The following NELL1 variants were observed in gnomAD, a reference collection of about 807,000 sequenced individuals.
NELL1 encodes the protein neural EGFL like 1, also known as protein kinase C-binding protein NELL1.
NELL1 carries 76 observed loss-of-function variants against 107.4 expected under a neutral mutation model. That is an observed-to-expected ratio of 0.71 (90% CI 0.59 to 0.86). NELL1 has a LOEUF of 0.86. NELL1 is among the 40% of genes least tolerant of loss of function. The pLI is 0.00. For synonymous variants in NELL1, 353 were observed against 341.2 expected, an observed-to-expected ratio of 1.03 and a Z score of -0.38; for missense variants, 1,024 against 1,005.5, an observed-to-expected ratio of 1.02 and a Z score of -0.25.
intron 12 of NELL1, among the ~76,000 whole-genome samples, chr11:21,078,467 C>T (rs1854191870): frequency 6.6e-6 from 1 of 151,942 alleles, no homozygotes; most frequent in Non-Finnish European, 1.5e-5. Context: ...TAAGGCAGAA[C>T]ACATTAAAAA....
chr11:21,077,980 A>G (rs902510415), intron 12 of NELL1, among the ~76,000 whole-genome samples: 1 of 152,114 alleles, frequency 6.6e-6, no homozygotes, highest in Non-Finnish European at 1.5e-5. Context: ...ACATTTTATA[A>G]AGCAGAACCA....
chr11:21,201,154 C>T (rs1237810849), intron 13 of NELL1, among the ~76,000 whole-genome samples: 1 of 152,106 alleles, frequency 6.6e-6, no homozygotes, highest in African/African-American at 2.4e-5. Context: ...GTAGTTTTTT[C>T]TAATTCTGTG....
intron 12 of NELL1, among the ~76,000 whole-genome samples, chr11:21,019,559 C>A (rs1017141304): frequency 1.3e-5 from 2 of 152,022 alleles, no homozygotes; most frequent in African/African-American, 4.8e-5. Context: ...ATGAAAATGT[C>A]TGAAGACATT....
intron 2 of NELL1, among the ~76,000 whole-genome samples, chr11:20,723,143 T>C (rs964630416): frequency 6.6e-6 from 1 of 152,120 alleles, no homozygotes; most frequent in African/African-American, 2.4e-5. Flanking sequence ...AACCAAACCA[T>C]ATCATTCTGC....
Position 21,444,130 on chromosome 11 carries a change from C to G in NELL1, c.1645+73182C>G, listed in dbSNP as rs556416130. Among the ~76,000 whole-genome samples, 196 of 152,156 alleles carry G rather than the reference C, an allele frequency of 1.3e-3. 1 individual carries two copies. The highest frequency in any genetic ancestry group is 4.7e-3 in the African/African-American group (193 of 41,502). Reference sequence around the variant, plus strand: ...TTAAAATTAAAAATGAGATTATACTCTAAAGAGTTTTAACATTTTTCACTT... The same window carrying G: ...TTAAAATTAAAAATGAGATTATACTGTAAAGAGTTTTAACATTTTTCACTT... On this transcript the variant is annotated intron_variant, in intron 15 of 19. Transcript: ENST00000357134.
At chr11:21,534,928 G>T (rs538104608) in intron 16 of NELL1, among the ~76,000 whole-genome samples, 1 of 152,214 alleles carries the variant, frequency 6.6e-6, no homozygotes. Flanking sequence ...CTCTTATACT[G>T]CAAGAGTCAC....
intron 12 of NELL1, among the ~76,000 whole-genome samples, chr11:21,056,616 T>C (rs907626898): frequency 3.9e-5 from 6 of 152,210 alleles, no homozygotes; most frequent in Non-Finnish European, 8.8e-5. Flanking sequence ...ACACATGTTT[T>C]CTCGCTGGAC....
chr11:21,423,740 T>C (rs1852751397), intron 15 of NELL1, among the ~76,000 whole-genome samples: 1 of 152,198 alleles, frequency 6.6e-6, no homozygotes, highest in Non-Finnish European at 1.5e-5. Flanking sequence ...AAATTAAGTC[T>C]CAACATTTAA....
intron 14 of NELL1, among the ~76,000 whole-genome samples, chr11:21,302,647 T>C (rs1215790596): frequency 2.6e-4 from 39 of 152,026 alleles, no homozygotes; most frequent in Admixed American, 2.6e-3. Flanking sequence ...CTCTTCTCAG[T>C]AATTAAAGAT....
intron 2 of NELL1, among the ~76,000 whole-genome samples, chr11:20,771,893 C>T (rs1856648252): frequency 6.6e-6 from 1 of 152,194 alleles, no homozygotes; most frequent in African/African-American, 2.4e-5. Flanking sequence ...TAAAATGAGA[C>T]ATCATCTCTG....
intron 12 of NELL1, among the ~76,000 whole-genome samples, chr11:21,096,287 T>TA (rs1590631605): frequency 6.6e-6 from 1 of 152,260 alleles, no homozygotes; most frequent in Non-Finnish European, 1.5e-5. Context: ...TATTGCATTG[T>TA]AAAAAAACGT....
At chr11:21,556,886 GA>G (rs1856725484) in intron 16 of NELL1, among the ~76,000 whole-genome samples, 1 of 151,846 alleles carries the variant, frequency 6.6e-6, no homozygotes, top group African/African-American at 2.4e-5. Context: ...ATTTGAGTAC[GA>G]AATACTCAAA....
chr11:20,976,103 C>T (rs922286798), intron 12 of NELL1, among the ~76,000 whole-genome samples: 2 of 141,822 alleles, frequency 1.4e-5, no homozygotes, highest in African/African-American at 5.3e-5. Flanking sequence ...TATATATACA[C>T]ATATCTGTAC....
intron 16 of NELL1, among the ~76,000 whole-genome samples, chr11:21,554,492 G>C (rs1203422761): frequency 6.6e-6 from 1 of 151,796 alleles, no homozygotes; most frequent in Non-Finnish European, 1.5e-5. Flanking sequence ...TGGGCTGGTT[G>C]CATCATAAGA....
intron 4 of NELL1, among the ~76,000 whole-genome samples, chr11:20,858,976 A>G (rs1453493733): frequency 6.6e-6 from 1 of 152,136 alleles, no homozygotes; most frequent in Admixed American, 6.5e-5. Flanking sequence ...CTGCATTATT[A>G]CCCAGAGATG....
chr11:20,895,568 C>T (rs1040237874), intron 5 of NELL1, among the ~76,000 whole-genome samples: 6 of 133,752 alleles, frequency 4.5e-5, no homozygotes, highest in African/African-American at 7.9e-5. Context: ...TGCAGTGGCG[C>T]GATCTTGGCT....
At chr11:21,235,788 C>A (rs1858191209) in intron 14 of NELL1, among the ~76,000 whole-genome samples, 1 of 152,004 alleles carries the variant, frequency 6.6e-6, no homozygotes, top group African/African-American at 2.4e-5. Context: ...ATTAGTTTGT[C>A]AAGAGTATGC....
chr11:21,421,859 C>A (rs1852681672), intron 15 of NELL1, among the ~76,000 whole-genome samples: 1 of 152,126 alleles, frequency 6.6e-6, no homozygotes, highest in Admixed American at 6.6e-5. Context: ...ATCAAACCGT[C>A]AAAACCCCAA....
chr11:21,533,122 CAGA>C (rs1163995035), intron 15 of NELL1, among the ~76,000 whole-genome samples: 16 of 152,138 alleles, frequency 1.1e-4, no homozygotes, highest in Admixed American at 8.5e-4. Context: ...ATACATGCTA[CAGA>C]AGAAGAAGGT....
Sources: allele counts gnomAD v4.1 joint callset (sites outside exome capture counted in the v4.1 genomes callset), GRCh38; gene constraint gnomAD v4.1.1; transcripts MANE v1.5; gene names NCBI Gene and HGNC (gene_info 2026-07-23, HGNC 2026-07-21).